NEK6: variants seen among roughly 807,000 people sequenced by gnomAD.
NEK6 encodes the protein serine/threonine-protein kinase Nek6.
Under a neutral mutation model 43.5 loss-of-function variants are expected in NEK6, and 27 were observed. The observed-to-expected ratio is 0.62, with a 90% CI of 0.46 to 0.86. The LOEUF (loss-of-function observed/expected upper bound fraction) is 0.86, where lower values mean the gene tolerates loss of function less well. NEK6 is among the 40% of genes least tolerant of loss of function. NEK6 has a pLI of 0.00. For missense variants in NEK6, 318 were observed against 414.4 expected (o/e 0.77, Z 2.02); for synonymous variants, 167 against 164.1 (o/e 1.02, Z -0.14).
At chr9:124,295,411 C>G (rs893328513) in intron 1 of NEK6, among the ~76,000 whole-genome samples, 1 of 152,152 alleles carries the variant, frequency 6.6e-6, no homozygotes, top group African/African-American at 2.4e-5. Flanking sequence ...TATCCTGAGA[C>G]CAGACAAGAA....
chr9:124,279,409 C>G (rs745964790), intron 1 of NEK6, among the ~76,000 whole-genome samples: 1 of 150,736 alleles, frequency 6.6e-6, no homozygotes, highest in African/African-American at 2.4e-5. Context: ...TCAAGCGATT[C>G]TCCTGCCTCA....
rs1211957771 is a variant in NEK6 at position 124,324,051 on chromosome 9, G to C, written c.406-2279G>C. Among the ~76,000 whole-genome samples the C allele has an allele frequency of 1.3e-5, 2 of 151,708 alleles. No individual in the cohort carries two copies. Among genetic ancestry groups the C allele is most frequent in the Non-Finnish European group, 2.9e-5 (2 of 67,910 alleles). Reference sequence around the variant, plus strand: ...CCACCTCTCTCCCCCCACTGTCCCTGCCTGCTCCCGTTCCCTCCAACCCGG... The same window carrying C: ...CCACCTCTCTCCCCCCACTGTCCCTCCCTGCTCCCGTTCCCTCCAACCCGG... On this transcript the variant is annotated intron_variant, in intron 5 of 9. Coordinates refer to ENST00000320246, the MANE Select transcript of NEK6 (RefSeq NM_014397.6). This position sits in a 1 kb window ranked among gnomAD's most constrained non-coding sequence, Gnocchi z 5.3.
At chr9:124,337,232 A>G (rs1047313696) in intron 7 of NEK6, among the ~76,000 whole-genome samples, 4 of 152,190 alleles carry the variant, frequency 2.6e-5, no homozygotes, top group African/African-American at 9.7e-5. Flanking sequence ...CTGCCCAGAG[A>G]TAACCCTACA....
In NEK6 at chr9:124,292,363, G is replaced by C. The variant is rs572942829; in HGVS notation, c.-29-9573G>C. ...TCACATTGAGTAATCCCTGGGCTTG[G>C]CCAGAACTTCTGAGTTTCCAGGGAA... On this transcript the variant is annotated intron_variant, in intron 1 of 9. Coordinates refer to ENST00000320246, the MANE Select transcript of NEK6 (RefSeq NM_014397.6). 8.0e-6 allele frequency: 12 copies of C among 1,504,012 alleles called. No individual in the cohort carries two copies. In the South Asian group the frequency reaches 1.4e-4, roughly 17 times the overall value. 93.2% of individuals were successfully genotyped at this position (1,504,012 alleles called of 1,614,324 possible). A position where few individuals can be genotyped will look rare whatever the true frequency, so the allele number is the denominator to read the frequency against.
rs1046727334 is a variant in NEK6 at position 124,313,798 on chromosome 9, G to T, written c.232-125G>T. The T allele has an allele frequency of 1.8e-5, 16 of 868,650 alleles. 1 individual carries two copies. Among genetic ancestry groups the T allele is most frequent in the African/African-American group, 8.3e-5 (5 of 59,970 alleles). The allele number at this position is 868,650 out of a possible 1,614,324, so 53.8% of individuals were successfully genotyped here. Reference sequence around the variant, plus strand: ...CCTACAGGGGCTGGGAGTGCAGGGGGGGGTCACAGAGTCCCTTGGTGAGGA... The same window carrying T: ...CCTACAGGGGCTGGGAGTGCAGGGGTGGGTCACAGAGTCCCTTGGTGAGGA... On this transcript the variant is annotated intron_variant, in intron 3 of 9. Coordinates refer to ENST00000320246, the MANE Select transcript of NEK6 (RefSeq NM_014397.6).
intron 8 of NEK6, among the ~76,000 whole-genome samples, chr9:124,340,547 T>G (rs1485971655): frequency 2.0e-5 from 3 of 152,190 alleles, no homozygotes; most frequent in Non-Finnish European, 4.4e-5. Context: ...TCAGTCCTGA[T>G]AAATGACAGA....
At chr9:124,268,183 G>A (rs1831297629) in intron 1 of NEK6, among the ~76,000 whole-genome samples, 1 of 152,216 alleles carries the variant, frequency 6.6e-6, no homozygotes, top group Non-Finnish European at 1.5e-5. Context: ...CCCAGTGCAG[G>A]TTACTGGAGA....
At chr9:124,295,130 A>C (rs1371195541) in intron 1 of NEK6, among the ~76,000 whole-genome samples, 3 of 152,160 alleles carry the variant, frequency 2.0e-5, no homozygotes, top group Admixed American at 2.0e-4. Context: ...GCAGCGGGGA[A>C]CCTGTCTGCA....
chr9:124,257,956 C>CGGCGGCGGCGGAACCGAGCTGACG lies in NEK6; in HGVS notation c.-154_-131dup. ...GCGCGCGGGCCCGCGCAGGCGGTGG[C>CGGCGGCGGCGGAACCGAGCTGACG]GGCGGCGGCGGAACCGAGCTGACGG... On this transcript the variant is annotated 5_prime_UTR_variant, in exon 1 of 10. Coordinates refer to ENST00000320246, the MANE Select transcript of NEK6 (RefSeq NM_014397.6). 1 of 970,238 alleles carries CGGCGGCGGCGGAACCGAGCTGACG rather than the reference C, an allele frequency of 1.0e-6. No individual in the cohort carries two copies. Among genetic ancestry groups the CGGCGGCGGCGGAACCGAGCTGACG allele is most frequent in the Non-Finnish European group, 1.2e-6 (1 of 820,032 alleles). 60.1% of individuals were successfully genotyped at this position (970,238 alleles called of 1,614,324 possible).
intron 1 of NEK6, among the ~76,000 whole-genome samples, chr9:124,271,729 C>A (rs935588559): frequency 2.0e-5 from 3 of 152,268 alleles, no homozygotes; most frequent in Non-Finnish European, 4.4e-5. Context: ...CCTCTTGCCC[C>A]CACCGTCTGC....
chr9:124,292,171 C>T, intron 1 of NEK6: 3 of 1,247,310 alleles, frequency 2.4e-6, no homozygotes, highest in Non-Finnish European at 3.1e-6. Flanking sequence ...AACCAGGCCC[C>T]AGGGACCTCC....
chr9:124,298,760 C>T (rs1425369723), intron 1 of NEK6, among the ~76,000 whole-genome samples: 1 of 152,228 alleles, frequency 6.6e-6, no homozygotes, highest in East Asian at 1.9e-4. Flanking sequence ...CTCTTAACCT[C>T]TTCGTGCCTC....
chr9:124,338,191 T>C (rs1177535878), intron 7 of NEK6, among the ~76,000 whole-genome samples: 1 of 152,164 alleles, frequency 6.6e-6, no homozygotes, highest in Non-Finnish European at 1.5e-5. Flanking sequence ...ATGTTGGCCA[T>C]GCTGGTCTCA....
intron 1 of NEK6, among the ~76,000 whole-genome samples, chr9:124,270,710 T>C (rs1278114934): frequency 6.6e-6 from 1 of 152,154 alleles, no homozygotes; most frequent in African/African-American, 2.4e-5. Flanking sequence ...CTGCTGCAGG[T>C]AACGGGTGGC....
intron 7 of NEK6, among the ~76,000 whole-genome samples, chr9:124,333,094 C>T (rs546127418): frequency 2.6e-5 from 4 of 151,682 alleles, no homozygotes; most frequent in Admixed American, 1.3e-4. Context: ...CCAGCTTCCC[C>T]GACGACTCCT....
intron 1 of NEK6, among the ~76,000 whole-genome samples, chr9:124,281,480 G>GTTTTT (rs1554845431): frequency 1.7e-5 from 2 of 114,858 alleles, no homozygotes; most frequent in East Asian, 2.9e-4. Context: ...CATGTCAGCT[G>GTTTTT]TTTTTTCTTT....
intron 1 of NEK6, among the ~76,000 whole-genome samples, chr9:124,294,290 G>T (rs1264112278): frequency 6.6e-6 from 1 of 152,156 alleles, no homozygotes; most frequent in African/African-American, 2.4e-5. Context: ...GTTCCTCCCT[G>T]CCAGCCAGTC....
rs547070601 is a variant in NEK6 at position 124,312,646 on chromosome 9, G to T, written c.228G>T (p.Val76=). Residue 76 remains valine, a synonymous_variant, in exon 3 of 10, where the codon GTG becomes GTT. Coordinates refer to ENST00000320246, the MANE Select transcript of NEK6 (RefSeq NM_014397.6). ...LDRKTVALKK[V]QIFEMMDAKA... Reference sequence around the variant, plus strand: ...GGAAGACAGTGGCTCTGAAGAAGGTGCAGGTGAGCTGACAACCCGTGGGGT... The same window carrying T: ...GGAAGACAGTGGCTCTGAAGAAGGTTCAGGTGAGCTGACAACCCGTGGGGT... 8 of 1,612,148 alleles carry T rather than the reference G, an allele frequency of 5.0e-6. No homozygotes were observed. In the Admixed American group the frequency reaches 5.0e-5, roughly 10 times the overall value.
At chr9:124,285,220 T>C (rs1832100218) in intron 1 of NEK6, among the ~76,000 whole-genome samples, 1 of 152,222 alleles carries the variant, frequency 6.6e-6, no homozygotes, top group Non-Finnish European at 1.5e-5. Flanking sequence ...GAGCCCTCCA[T>C]GCGGGTGCTC....
Sources: gnomAD v4.1 joint callset for allele counts (sites outside exome capture counted in the v4.1 genomes callset) on GRCh38, gnomAD v4.1.1 for gene constraint, Gnocchi (gnomAD v3.1) non-coding constraint, MANE v1.5 for transcripts, NCBI Gene and HGNC (gene_info 2026-07-23, HGNC 2026-07-21) for gene names.